CFAP46: variants seen among roughly 807,000 people sequenced by gnomAD.
The protein encoded by CFAP46 is cilia- and flagella-associated protein 46.
A neutral mutation model predicts 325.7 loss-of-function variants in CFAP46; 245 were observed. The ratio of observed to expected loss-of-function variants is 0.75; its 90% CI spans 0.68 to 0.84. CFAP46 has a LOEUF of 0.84. Ranked by LOEUF, CFAP46 falls within the 40% of genes least tolerant of loss-of-function variation. The probability of loss-of-function intolerance (pLI) is 0.00; values close to 1 mark genes in which losing one functional copy is unlikely to be tolerated. For missense variants in CFAP46, 3,346 were observed against 3,543.0 expected (o/e 0.94, Z 1.41); for synonymous variants, 1,523 against 1,495.9 (o/e 1.02, Z -0.42).
At chr10:132,822,303 C>CTGTGTGCTGTGTGTGTGGTGA (rs1420877541) in intron 50 of CFAP46, among the ~76,000 whole-genome samples, 10 of 90,348 alleles carry the variant, frequency 1.1e-4, no homozygotes, top group Non-Finnish European at 1.7e-4. Context: ...GATGTGTGCA[C>CTGTGTGCTGTGTGTGTGGTGA]TGTGTGCTGT....
At chr10:132,838,390 G>A (rs937877626) in intron 44 of CFAP46, among the ~76,000 whole-genome samples, 2 of 152,276 alleles carry the variant, frequency 1.3e-5, no homozygotes, top group African/African-American at 4.8e-5. Context: ...AAGCCCATGC[G>A]TGAAAAGCTC....
At chr10:132,837,690 TACAC>T (rs1848282263) in intron 44 of CFAP46, among the ~76,000 whole-genome samples, 1 of 93,648 alleles carries the variant, frequency 1.1e-5, no homozygotes, top group African/African-American at 4.3e-5. Flanking sequence ...CATGCACACG[TACAC>T]AGATGCACAC....
chr10:132,836,739 A>G, intron 45 of CFAP46, 78 bp downstream of exon 45: 4 of 1,222,940 alleles, frequency 3.3e-6, no homozygotes, highest in Non-Finnish European at 3.6e-6. Context: ...AGGTGTGGGC[A>G]GCCCACGGCT....
chr10:132,814,655 T>TGGGGCCC, intron 52 of CFAP46, 31 bp downstream of exon 52: 1 of 1,584,106 alleles, frequency 6.3e-7, no homozygotes, highest in Non-Finnish European at 8.6e-7. Flanking sequence ...GGGCGGGGTC[T>TGGGGCCC]GGGGCCCCCC....
At chr10:132,937,174 A>G in intron 6 of CFAP46, 119 bp from the exon 7 acceptor site, 1 of 572,798 alleles carries the variant, frequency 1.7e-6, no homozygotes, top group Non-Finnish European at 2.8e-6. Context: ...GATACAACTT[A>G]AGCTGATTCC....
chr10:132,846,249 G>A (rs780274256), intron 43 of CFAP46, 22 bp from the exon 44 acceptor site: 3 of 1,608,164 alleles, frequency 1.9e-6, no homozygotes, highest in South Asian at 2.2e-5. Flanking sequence ...CAGGGGAGGT[G>A]TACCAGGGGC....
intron 38 of CFAP46, among the ~76,000 whole-genome samples, chr10:132,858,623 GGCCAC>G (rs1424587125): frequency 6.6e-6 from 1 of 152,152 alleles, no homozygotes; most frequent in African/African-American, 2.4e-5. Flanking sequence ...TGCAGGGCAG[GGCCAC>G]CTCCTGAGGT....
intron 17 of CFAP46, among the ~76,000 whole-genome samples, chr10:132,915,648 C>T (rs1849626734): frequency 6.6e-6 from 1 of 152,260 alleles, no homozygotes; most frequent in South Asian, 2.1e-4. Flanking sequence ...GGGTGCCGTG[C>T]CCAGCTTCTG....
chr10:132,907,763 T>C (rs1174285687), intron 22 of CFAP46, among the ~76,000 whole-genome samples: 3 of 151,640 alleles, frequency 2.0e-5, no homozygotes, highest in East Asian at 3.9e-4. Flanking sequence ...TTGAGGGGGG[T>C]TGGATCATGG....
intron 45 of CFAP46, 110 bp from the exon 46 acceptor site, chr10:132,836,328 A>G (rs992851924): frequency 2.1e-6 from 2 of 972,832 alleles, no homozygotes; most frequent in Non-Finnish European, 3.2e-6. Flanking sequence ...TCTGCAGACC[A>G]TGGACGCCCA....
At chr10:132,837,818 G>T (rs1848287411) in intron 44 of CFAP46, among the ~76,000 whole-genome samples, 1 of 114,908 alleles carries the variant, frequency 8.7e-6, no homozygotes, top group Non-Finnish European at 1.8e-5. Context: ...CACGTACACA[G>T]ATGCACACAC....
chr10:132,860,408 A>G lies in CFAP46; in HGVS notation c.5198+9T>C, dbSNP rs1354354412. 4.5e-6 allele frequency: 7 copies of G among 1,543,024 alleles called. No homozygotes were observed. In the Admixed American group the frequency reaches 1.2e-4, roughly 26 times the overall value. On this transcript the variant is annotated intron_variant, in intron 37 of 57. Coordinates refer to ENST00000368586, the MANE Select transcript of CFAP46 (RefSeq NM_001200049.3). ...ACGCTAATGAACAGTGTTTCTTACA[A>G]AGAGTTACCTGGCTTCTAGATCTGT...
chr10:132,845,452 C>T (rs541290953), intron 44 of CFAP46, among the ~76,000 whole-genome samples: 4 of 152,298 alleles, frequency 2.6e-5, no homozygotes, highest in South Asian at 4.1e-4. Context: ...CAGCCCTGGA[C>T]GAGGGGATAT....
intron 55 of CFAP46, among the ~76,000 whole-genome samples, chr10:132,812,029 T>C (rs1031625907): frequency 3.7e-4 from 56 of 152,338 alleles, no homozygotes; most frequent in East Asian, 1.5e-3. Context: ...GGGCTGGCCC[T>C]GCACAGGGGG....
chr10:132,907,333 G>C (rs1409840870), intron 22 of CFAP46, among the ~76,000 whole-genome samples: 1 of 152,200 alleles, frequency 6.6e-6, no homozygotes, highest in Non-Finnish European at 1.5e-5. Context: ...TCAAAAATTG[G>C]GGAAAGATTA....
chr10:132,856,982 G>A (rs1369337736), intron 39 of CFAP46, among the ~76,000 whole-genome samples: 1 of 152,186 alleles, frequency 6.6e-6, no homozygotes, highest in Admixed American at 6.5e-5. Flanking sequence ...GGCAGGTCTG[G>A]AGCGGGGCTC....
chr10:132,808,556 C>A lies in CFAP46; in HGVS notation c.8013G>T (p.Ala2671=). 6.2e-7 allele frequency: 1 copy of A among 1,613,002 alleles called. No individual in the cohort carries two copies. Among genetic ancestry groups the A allele is most frequent in the South Asian group, 1.1e-5 (1 of 91,080 alleles). ...TCCAGCCCCGACGCAGACCCCATGG[C>A]GCACACAGGCAGGCAGAGCTCGAGG... The part of the protein sequence containing the change: ...AWTSSSACLC[A]PWGLRRGWSC... Residue 2671 remains alanine (A), a synonymous_variant, in exon 58 of 58, where the codon GCG becomes GCT. Coordinates refer to ENST00000368586, the MANE Select transcript of CFAP46 (RefSeq NM_001200049.3). The surrounding 1 kb of genome is among the most constrained non-coding windows in gnomAD (Gnocchi z 6.8).
chr10:132,885,743 T>TGGGGAGCACTCATAGGCGGTTG, intron 26 of CFAP46, 78 bp downstream of exon 26: 1 of 1,261,536 alleles, frequency 7.9e-7, no homozygotes. Context: ...ACAGGCGGTG[T>TGGGGAGCACTCATAGGCGGTTG]GGGGAGCACT....
At chr10:132,872,887 G>T in intron 31 of CFAP46, 63 bp from the exon 32 acceptor site, 1 of 1,533,924 alleles carries the variant, frequency 6.5e-7, no homozygotes, top group Non-Finnish European at 8.8e-7. Flanking sequence ...AAGCATAAGG[G>T]TCTTTCCTCA....
Sources: gnomAD v4.1 joint callset for allele counts (sites outside exome capture counted in the v4.1 genomes callset) on GRCh38, gnomAD v4.1.1 for gene constraint, Gnocchi (gnomAD v3.1) non-coding constraint, MANE v1.5 for transcripts, NCBI Gene and HGNC (gene_info 2026-07-23, HGNC 2026-07-21) for gene names.